Variants in WWP2 observed in about 807,000 individuals in gnomAD.
The protein encoded by WWP2 is WW domain containing E3 ubiquitin protein ligase 2.
WWP2 carries 57 observed loss-of-function variants against 121.0 expected under a neutral mutation model. The observed-to-expected ratio is 0.47, with a 90% confidence interval of 0.38 to 0.59. The LOEUF (loss-of-function observed/expected upper bound fraction) is 0.59, where lower values mean the gene tolerates loss of function less well. WWP2 is among the 20% of genes least tolerant of loss of function. The probability of loss-of-function intolerance (pLI) is 0.00; values close to 1 mark genes in which losing one functional copy is unlikely to be tolerated. For synonymous variants in WWP2, 449 were observed against 441.3 expected (o/e 1.02, Z -0.22); for missense variants, 962 against 1,158.9 (o/e 0.83, Z 2.47).
chr16:69,842,631 C>T lies in WWP2; in HGVS notation c.575+511C>T, dbSNP rs190691698. ...TGCTTAGGATAATGGCCTCCACTCT[C>T]CGGCTATATTCATGTCCCTGCAAAG... On this transcript the variant is annotated intron_variant, in intron 6 of 23. Transcript: ENST00000359154. Among the ~76,000 whole-genome samples the T allele has an allele frequency of 2.4e-3, 369 of 152,282 alleles. 2 individuals are homozygous for T. The highest frequency in any genetic ancestry group is 3.7e-3 in the Non-Finnish European group (255 of 68,024).
intron 7 of WWP2, among the ~76,000 whole-genome samples, chr16:69,886,383 A>G (rs1035808559): frequency 3.3e-5 from 5 of 152,074 alleles, no homozygotes; most frequent in African/African-American, 4.8e-5. Context: ...CGGCCTAGAT[A>G]CTTTGAATTG....
chr16:69,787,204 C>A, intron 2 of WWP2, 124 bp downstream of exon 2: 1 of 601,752 alleles, frequency 1.7e-6, no homozygotes, highest in South Asian at 3.2e-5. Flanking sequence ...TATTTATTCT[C>A]ATGGGATTGT....
In WWP2 at chr16:69,802,811, G is replaced by A. The variant is rs921060885; in HGVS notation, c.340+3516G>A. Among the ~76,000 whole-genome samples, 17 of 151,958 alleles carry A rather than the reference G, an allele frequency of 1.1e-4. 2 individuals are homozygous for A. The highest frequency in any genetic ancestry group is 3.9e-4 in the East Asian group (2 of 5,170). On this transcript the variant is annotated intron_variant, in intron 4 of 23. Coordinates refer to ENST00000359154, the MANE Select transcript of WWP2 (RefSeq NM_001270454.2). ...TAGAGACGGGAGTTTCACCATGTTGGCCAGGCTGGTCTCGAACTCCTGACC... is the reference window on the plus strand; with the variant it reads ...TAGAGACGGGAGTTTCACCATGTTGACCAGGCTGGTCTCGAACTCCTGACC...
intron 6 of WWP2, among the ~76,000 whole-genome samples, chr16:69,844,401 C>T (rs1567699189): frequency 6.6e-6 from 1 of 152,220 alleles, no homozygotes; most frequent in Non-Finnish European, 1.5e-5. Flanking sequence ...GATGCCTTCT[C>T]AGCTTTGGTG....
At chr16:69,832,396 TA>T (rs762320041) in intron 4 of WWP2, among the ~76,000 whole-genome samples, 6 of 152,170 alleles carry the variant, frequency 3.9e-5, no homozygotes, top group Non-Finnish European at 7.3e-5. Flanking sequence ...TGTATTTCTC[TA>T]AAAGATAAGA....
intron 4 of WWP2, among the ~76,000 whole-genome samples, chr16:69,810,155 G>C (rs1023545492): frequency 1.3e-5 from 2 of 152,222 alleles, no homozygotes; most frequent in African/African-American, 4.8e-5. Context: ...TTGCTCCCTT[G>C]TTTTCCCTGG....
chr16:69,780,497 G>T (rs2055642008), intron 1 of WWP2, among the ~76,000 whole-genome samples: 1 of 152,088 alleles, frequency 6.6e-6, no homozygotes, highest in Non-Finnish European at 1.5e-5. Flanking sequence ...CAAATGCCTG[G>T]GAGTAGAATC....
chr16:69,908,922 G>C, intron 9 of WWP2, 72 bp downstream of exon 9: 1 of 1,608,788 alleles, frequency 6.2e-7, no homozygotes, highest in Non-Finnish European at 8.5e-7. Flanking sequence ...TTCTTGAAAC[G>C]GTCCCTTTCT....
chr16:69,801,815 A>G (rs1407318493), intron 4 of WWP2, among the ~76,000 whole-genome samples: 1 of 152,084 alleles, frequency 6.6e-6, no homozygotes, highest in African/African-American at 2.4e-5. Context: ...ATATTTGTAG[A>G]CGTATATTGA....
intron 4 of WWP2, among the ~76,000 whole-genome samples, chr16:69,801,840 A>G (rs753126119): frequency 3.9e-5 from 6 of 152,118 alleles, no homozygotes; most frequent in Non-Finnish European, 7.4e-5. Context: ...TATGACATCA[A>G]TGAAACTAAA....
At chr16:69,778,793 C>T (rs560404254) in intron 1 of WWP2, among the ~76,000 whole-genome samples, 1 of 151,346 alleles carries the variant, frequency 6.6e-6, no homozygotes, top group African/African-American at 2.4e-5. Flanking sequence ...AGTTGCGCCA[C>T]CACTCCTCGC....
At chr16:69,930,653 G>T (rs2058697717) in intron 13 of WWP2, among the ~76,000 whole-genome samples, 1 of 152,068 alleles carries the variant, frequency 6.6e-6, no homozygotes, top group Admixed American at 6.6e-5. Context: ...GAGCTATGAT[G>T]GCACCACTGC....
rs190778070 is a variant in WWP2, at chr16:69,893,424, A to G, written c.914+5175A>G. ...GTTTTTTGCCTCTTTGATGCCTCAA[A>G]GAAAGAACAGCTATGACAGCAATAT... On this transcript the variant is annotated intron_variant, in intron 8 of 23. Coordinates refer to ENST00000359154, the MANE Select transcript of WWP2 (RefSeq NM_001270454.2). 2.0e-5 allele frequency among the ~76,000 whole-genome samples: 3 copies of G among 152,286 alleles called. No homozygotes were observed. In the East Asian group the frequency reaches 5.8e-4, roughly 29 times the overall value.
intron 1 of WWP2, chr16:69,775,170 C>G (rs1414004531): frequency 1.3e-5 from 2 of 151,984 alleles, no homozygotes; most frequent in Non-Finnish European, 2.9e-5. Context: ...TTAACAAGTC[C>G]TATTTGTTCA....
intron 1 of WWP2, among the ~76,000 whole-genome samples, chr16:69,777,036 T>C (rs973201568): frequency 6.6e-6 from 1 of 151,584 alleles, no homozygotes. Context: ...TAAAACAGTA[T>C]ATGTGTGTGT....
At chr16:69,908,965 C>A in intron 9 of WWP2, 115 bp downstream of exon 9, 4 of 1,524,202 alleles carry the variant, frequency 2.6e-6, no homozygotes, top group South Asian at 2.5e-5. Context: ...ACGTTTATTC[C>A]GGGTCACTTG....
intron 6 of WWP2, among the ~76,000 whole-genome samples, chr16:69,858,699 AG>A (rs2057363556): frequency 6.6e-6 from 1 of 152,228 alleles, no homozygotes; most frequent in Non-Finnish European, 1.5e-5. Flanking sequence ...TATTGGAATC[AG>A]AGAAGAATTG....
intron 8 of WWP2, among the ~76,000 whole-genome samples, chr16:69,898,765 G>T (rs947546390): frequency 6.6e-6 from 1 of 151,968 alleles, no homozygotes. Flanking sequence ...GTGCAATGGC[G>T]CAATCTTGGC....
intron 9 of WWP2, among the ~76,000 whole-genome samples, chr16:69,912,594 C>T (rs1447838896): frequency 6.6e-6 from 1 of 151,810 alleles, no homozygotes; most frequent in Non-Finnish European, 1.5e-5. Context: ...TTTGTTTTTG[C>T]TGGGGAAAGT....
Sources: gnomAD v4.1 joint callset for allele counts (sites outside exome capture counted in the v4.1 genomes callset) on GRCh38, gnomAD v4.1.1 for gene constraint, MANE v1.5 for transcripts, NCBI Gene and HGNC (gene_info 2026-07-23, HGNC 2026-07-21) for gene names.